Variants in NOBOX observed in about 807,000 individuals in gnomAD.
NOBOX encodes the protein NOBOX oogenesis homeobox, also known as homeobox protein NOBOX.
Under a neutral mutation model 60.2 loss-of-function variants are expected in NOBOX, and 46 were observed. That is an observed-to-expected ratio of 0.76 (90% CI 0.60 to 0.98). The LOEUF (loss-of-function observed/expected upper bound fraction) is 0.98, where lower values mean the gene tolerates loss of function less well. Ranked by LOEUF, NOBOX falls within the 50% of genes least tolerant of loss-of-function variation. NOBOX has a pLI of 0.00. For missense variants in NOBOX, 880 were observed against 865.5 expected, an observed-to-expected ratio of 1.02 and a Z score of -0.21; for synonymous variants, 360 against 346.3, an observed-to-expected ratio of 1.04 and a Z score of -0.44.
At chr7:144,397,232 C>T, downstream of NOBOX, 3 of 1,521,068 alleles carry the variant, frequency 2.0e-6, no homozygotes, top group Non-Finnish European at 2.6e-6. Flanking sequence ...CACTCTTTGA[C>T]CCCCCAACTA....
At position 144,399,781 on chromosome 7, in the gene NOBOX, G is replaced by C. The variant is rs1388446442; in HGVS notation, c.1130C>G (p.Pro377Arg). ...CCTGCATTGACTGCTGGCAGGGCCA[G>C]GGGCTGCAGGATTGTCCTTGCTTTC... Residue 377 changes from proline (P) to arginine (R), a missense_variant, in exon 6 of 10, where the codon CCT becomes CGT. Physicochemically the swap from Pro to Arg is moderately radical, Grantham distance 103 (BLOSUM62 -2). Coordinates refer to ENST00000467773, the MANE Select transcript of NOBOX (RefSeq NM_001080413.3). 2.5e-6 allele frequency: 4 copies of C among 1,612,632 alleles called. No homozygotes were observed. The South Asian group carries it at 4.4e-5, about 18-fold the overall frequency.
Position 144,401,434 on chromosome 7 carries a change from C to A in NOBOX, c.456G>T (p.Gly152=). The A allele has an allele frequency of 1.2e-6, 2 of 1,606,746 alleles. No homozygotes were observed. Among genetic ancestry groups the A allele is most frequent in the Non-Finnish European group, 8.5e-7 (1 of 1,176,320 alleles). Reference sequence around the variant, plus strand: ...GCGGGCACAGTCTCCCAGCATCAGCCCCGGTGGCTTCTCCAGAGACTGCTG... The same window carrying A: ...GCGGGCACAGTCTCCCAGCATCAGCACCGGTGGCTTCTCCAGAGACTGCTG... The change falls in exon 4 of 10, where the codon GGG becomes GGT. Residue 152 remains glycine, a synonymous_variant. Coordinates refer to ENST00000467773, the MANE Select transcript of NOBOX (RefSeq NM_001080413.3). The surrounding 1 kb of genome is among the most constrained non-coding windows in gnomAD (Gnocchi z 4.2).
In NOBOX at chr7:144,400,329, C is replaced by T. The variant is rs1432901529; in HGVS notation, c.845-17G>A. 6.2e-7 allele frequency: 1 copy of T among 1,611,328 alleles called. No individual in the cohort carries two copies. The highest frequency in any genetic ancestry group is 1.7e-5 in the Admixed American group (1 of 60,002). On this transcript the variant is annotated splice_polypyrimidine_tract_variant and intron_variant, in intron 4 of 9. Coordinates refer to ENST00000467773, the MANE Select transcript of NOBOX (RefSeq NM_001080413.3). Reference sequence around the variant, plus strand: ...CCAGCTGATCTGAAAGAAGAAGAAACTTGTGTGAGGAGGACAAATGCCAGT... The same window carrying T: ...CCAGCTGATCTGAAAGAAGAAGAAATTTGTGTGAGGAGGACAAATGCCAGT...
chr7:144,405,591 T>A (rs1244135813), intron 1 of NOBOX, among the ~76,000 whole-genome samples: 1 of 152,214 alleles, frequency 6.6e-6, no homozygotes, highest in Non-Finnish European at 1.5e-5. Context: ...AACCTGACAG[T>A]GACCCCTGAC....
intron 4 of NOBOX, among the ~76,000 whole-genome samples, chr7:144,400,556 T>C (rs926166808): frequency 6.6e-6 from 1 of 152,204 alleles, no homozygotes; most frequent in East Asian, 1.9e-4. Context: ...TTTTCTTTTT[T>C]AGACGGAGTC....
downstream of NOBOX, chr7:144,397,187 G>A (rs950579992): frequency 1.9e-5 from 27 of 1,444,192 alleles, no homozygotes; most frequent in Admixed American, 2.1e-4. Flanking sequence ...TCCTCTCAGC[G>A]AGCCCAATCC....
At chr7:144,403,797 C>CG (rs2053962552) in intron 2 of NOBOX, 104 bp from the exon 1 acceptor site, 1 of 331,944 alleles carries the variant, frequency 3.0e-6, no homozygotes, top group Admixed American at 5.4e-5. Flanking sequence ...CGGGCCGGGC[C>CG]GGGGGAGCCG....
At chr7:144,397,667 AGTCT>A (rs1470255211) in intron 9 of NOBOX, 126 bp from the exon 8 acceptor site, 6 of 806,132 alleles carry the variant, frequency 7.4e-6, no homozygotes, top group Non-Finnish European at 1.1e-5. Flanking sequence ...CCTCAGTGTA[AGTCT>A]GGGTCAAACT....
chr7:144,404,898 G>A (rs1454061687), intron 1 of NOBOX, among the ~76,000 whole-genome samples: 1 of 152,122 alleles, frequency 6.6e-6, no homozygotes, highest in Admixed American at 6.5e-5. Context: ...CGGAGGGCTG[G>A]TCAGATAGAA....
At chr7:144,396,962 A>G (rs971472331), downstream of NOBOX, among the ~76,000 whole-genome samples, 1 of 152,180 alleles carries the variant, frequency 6.6e-6, no homozygotes, top group African/African-American at 2.4e-5. Context: ...TTGTCAAGCA[A>G]GGATAGGAAA....
At position 144,403,701 on chromosome 7, in the gene NOBOX, A is replaced by T. The variant is rs2053960691; in HGVS notation, c.210+855T>A. 1 of 693,194 alleles carries T rather than the reference A, an allele frequency of 1.4e-6. No individual in the cohort carries two copies. Among genetic ancestry groups the T allele is most frequent in the South Asian group, 1.5e-5 (1 of 67,252 alleles). The allele number at this position is 693,194 out of a possible 1,614,324, so 42.9% of individuals were successfully genotyped here. A position where few individuals can be genotyped will look rare whatever the true frequency, so the allele number is the denominator to read the frequency against. ...ATTCTCTGTGGGTTCCATGGCCTGGACTCCCGCCGCCGCGGCCGGCCCGTG... is the reference window on the plus strand; with the variant it reads ...ATTCTCTGTGGGTTCCATGGCCTGGTCTCCCGCCGCCGCGGCCGGCCCGTG... On this transcript the variant is annotated intron_variant, in intron 2 of 9. Coordinates refer to ENST00000467773, the MANE Select transcript of NOBOX (RefSeq NM_001080413.3).
intron 9 of NOBOX, 34 bp downstream of exon 7, chr7:144,398,248 C>T (rs2053907313): frequency 6.5e-7 from 1 of 1,533,008 alleles, no homozygotes; most frequent in African/African-American, 1.4e-5. Flanking sequence ...CTTCCTCAAT[C>T]TCAAGGGGAC....
chr7:144,399,030 G>T lies in NOBOX; in HGVS notation c.1389C>A (p.Pro463=), dbSNP rs781602259. 8.1e-6 allele frequency: 13 copies of T among 1,598,610 alleles called. No individual in the cohort carries two copies. The Admixed American group carries it at 1.9e-4, about 23-fold the overall frequency. ...CATCCATCAGCAGTGGCATCAGTTG[G>T]GGGGTGTGGACAGGGCCAAGGGGGA... is the stretch of plus-strand genomic sequence containing the variant. The change falls in exon 8 of 10, where the codon CCC becomes CCA. Residue 463 remains proline (P), a synonymous_variant. Coordinates refer to ENST00000467773, the MANE Select transcript of NOBOX (RefSeq NM_001080413.3).
At chr7:144,406,287 G>A (rs992402188) in intron 1 of NOBOX, among the ~76,000 whole-genome samples, 1 of 152,218 alleles carries the variant, frequency 6.6e-6, no homozygotes, top group African/African-American at 2.4e-5. Flanking sequence ...GCGGGGCACA[G>A]TGGCTCATGC....
In NOBOX at chr7:144,400,112, A is replaced by G; in HGVS notation, c.1045T>C (p.Trp349Arg). The change falls in exon 5 of 10, where the codon TGG becomes CGG. Residue 349 changes from tryptophan to arginine, a missense_variant and splice_region_variant. Transcript: ENST00000467773. ...TGAGGCCTCAATTCAGCTCCTACCC[A>G]GGCTACCGCTGAGCGCTCACTCTGC... is the stretch of plus-strand genomic sequence containing the variant. 6.2e-7 allele frequency: 1 copy of G among 1,611,994 alleles called. No individual in the cohort carries two copies. The highest frequency in any genetic ancestry group is 1.3e-5 in the African/African-American group (1 of 75,022).
rs193303102 is a variant in NOBOX, at chr7:144,400,250, G to A, written c.907C>T (p.Arg303Ter). ...ACCCCCACCGTCTGGGCAATCTCTC[G>A]GCGTTTATCACTGTCAGGATAGTGG... The change falls in exon 5 of 10, where the codon CGA (arginine) becomes TGA (stop). Residue 303 changes from arginine to a stop codon, truncating the protein, a stop_gained. Coordinates refer to ENST00000467773, the MANE Select transcript of NOBOX (RefSeq NM_001080413.3). LOFTEE classifies it high-confidence loss of function. 7.4e-6 allele frequency: 12 copies of A among 1,613,934 alleles called. No homozygotes were observed. The highest frequency in any genetic ancestry group is 1.6e-4 in the Middle Eastern group (1 of 6,084).
intron 8 of NOBOX, 35 bp downstream of exon 6, chr7:144,398,915 A>G (rs1411892051): frequency 9.9e-6 from 12 of 1,212,388 alleles, no homozygotes; most frequent in Non-Finnish European, 1.3e-5. Context: ...CCCCACCCAG[A>G]TAACTAGAGT....
intron 2 of NOBOX, among the ~76,000 whole-genome samples, chr7:144,402,497 T>A (rs2053948978): frequency 6.6e-6 from 1 of 152,110 alleles, no homozygotes; most frequent in South Asian, 2.1e-4. Context: ...CAGAGTAATA[T>A]GTCCAAGATC....
At position 144,401,735 on chromosome 7, in the gene NOBOX, C is replaced by A. The variant is rs932639495; in HGVS notation, c.292+134G>T. ...CTACCTATCAAATGGGGTAATAATT[C>A]CACACTTACCTTCCTAGCTTGACTA... On this transcript the variant is annotated intron_variant, in intron 3 of 9. Coordinates refer to ENST00000467773, the MANE Select transcript of NOBOX (RefSeq NM_001080413.3). This position sits in a 1 kb window ranked among gnomAD's most constrained non-coding sequence, Gnocchi z 4.2. 3 of 1,027,424 alleles carry A rather than the reference C, an allele frequency of 2.9e-6. No homozygotes were observed. Among genetic ancestry groups the A allele is most frequent in the Non-Finnish European group, 2.8e-6 (2 of 709,592 alleles). The allele number at this position is 1,027,424 out of a possible 1,614,324, so 63.6% of individuals were successfully genotyped here. A position where few individuals can be genotyped will look rare whatever the true frequency, so the allele number is the denominator to read the frequency against.
Sources: allele counts gnomAD v4.1 joint callset (sites outside exome capture counted in the v4.1 genomes callset), GRCh38; gene constraint gnomAD v4.1.1; non-coding constraint Gnocchi (gnomAD v3.1); transcripts MANE v1.5; gene names NCBI Gene and HGNC (gene_info 2026-07-23, HGNC 2026-07-21).